Variants in RANBP17 observed in about 807,000 individuals in gnomAD.
RANBP17 encodes RAN binding protein 17.
Under a neutral mutation model 141.2 loss-of-function variants are expected in RANBP17, and 158 were observed. The ratio of observed to expected loss-of-function variants is 1.12; its 90% CI spans 0.98 to 1.28. RANBP17 has a LOEUF of 1.28. RANBP17 is among the 50% of genes most tolerant of loss of function. The pLI is 0.00. For synonymous variants in RANBP17, 430 were observed against 450.0 expected, an observed-to-expected ratio of 0.96 and a Z score of 0.56; for missense variants, 1,438 against 1,290.7, an observed-to-expected ratio of 1.11 and a Z score of -1.75.
chr5:171,188,314 G>A lies in RANBP17; in HGVS notation c.2038+4884G>A, dbSNP rs141111478. 7.9e-3 allele frequency among the ~76,000 whole-genome samples: 1,201 copies of A among 152,300 alleles called. 15 individuals carry two copies. Among genetic ancestry groups the A allele is most frequent in the African/African-American group, 0.027 (1,135 of 41,568 alleles). ...AGATGTAACTGAGTGACAGCTTTTC[G>A]TACTGCATCCTGGCCTATTTTACCT... is the stretch of plus-strand genomic sequence containing the variant. On this transcript the variant is annotated intron_variant, in intron 18 of 27. Transcript: ENST00000523189.
intron 12 of RANBP17, among the ~76,000 whole-genome samples, chr5:170,925,694 T>G (rs1355980967): frequency 1.3e-5 from 2 of 152,186 alleles, no homozygotes; most frequent in Non-Finnish European, 2.9e-5. Flanking sequence ...ATTTTGTGTT[T>G]ATCAATTCAT....
intron 14 of RANBP17, among the ~76,000 whole-genome samples, chr5:171,079,677 G>A (rs1419561003): frequency 1.3e-5 from 2 of 152,184 alleles, no homozygotes; most frequent in African/African-American, 4.8e-5. Flanking sequence ...TCAGGTGATT[G>A]TTAGCATTTT....
intron 18 of RANBP17, among the ~76,000 whole-genome samples, chr5:171,186,511 C>T (rs925216360): frequency 8.4e-5 from 11 of 130,874 alleles, no homozygotes; most frequent in Non-Finnish European, 1.5e-4. Context: ...GAAATGTTAT[C>T]ACTGGTATGA....
chr5:171,267,490 G>C (rs993714428), intron 25 of RANBP17, among the ~76,000 whole-genome samples: 12 of 152,016 alleles, frequency 7.9e-5, no homozygotes, highest in African/African-American at 2.9e-4. Context: ...GACCGTTAGG[G>C]AGCAAATAAG....
chr5:170,877,035 T>A (rs1768236904), intron 1 of RANBP17, among the ~76,000 whole-genome samples: 1 of 152,164 alleles, frequency 6.6e-6, no homozygotes, highest in Non-Finnish European at 1.5e-5. Context: ...CATTTTTTAA[T>A]TCTTTTTTTA....
intron 14 of RANBP17, among the ~76,000 whole-genome samples, chr5:171,072,024 A>C (rs1471639508): frequency 6.6e-6 from 1 of 152,018 alleles, no homozygotes; most frequent in African/African-American, 2.4e-5. Context: ...TATACAAAGG[A>C]CTCTGAAGAA....
chr5:171,221,972 A>G (rs746852020), intron 22 of RANBP17, 132 bp downstream of exon 22: 13 of 625,084 alleles, frequency 2.1e-5, no homozygotes, highest in East Asian at 8.3e-5. Context: ...TACAAGTGCA[A>G]AAAGCCAGTT....
chr5:171,232,721 G>T (rs932740601), intron 22 of RANBP17, among the ~76,000 whole-genome samples: 3 of 152,090 alleles, frequency 2.0e-5, no homozygotes, highest in African/African-American at 7.2e-5. Flanking sequence ...TCCCAAAAGT[G>T]ATATCATAAT....
intron 14 of RANBP17, among the ~76,000 whole-genome samples, chr5:171,159,047 T>A (rs1759104549): frequency 6.6e-6 from 1 of 152,240 alleles, no homozygotes; most frequent in Non-Finnish European, 1.5e-5. Context: ...CTTTGCTGAA[T>A]TATTCATTAC....
At chr5:171,073,096 T>C (rs551563982) in intron 14 of RANBP17, among the ~76,000 whole-genome samples, 101 of 152,174 alleles carry the variant, frequency 6.6e-4, no homozygotes, top group African/African-American at 2.3e-3. Flanking sequence ...GAACTGTTGT[T>C]CTGTGTGGTA....
chr5:171,170,735 AC>A (rs962468091), intron 15 of RANBP17, among the ~76,000 whole-genome samples: 8 of 152,076 alleles, frequency 5.3e-5, no homozygotes, highest in African/African-American at 1.9e-4. Context: ...TCCACCTGGC[AC>A]CCCGCTTTAT....
chr5:170,998,838 A>G (rs1405319450), intron 14 of RANBP17, among the ~76,000 whole-genome samples: 2 of 152,156 alleles, frequency 1.3e-5, no homozygotes, highest in African/African-American at 2.4e-5. Context: ...GATTTTTTCT[A>G]GTAATTTTTC....
chr5:171,012,105 C>A (rs888390411), intron 14 of RANBP17, among the ~76,000 whole-genome samples: 4 of 150,798 alleles, frequency 2.7e-5, no homozygotes, highest in East Asian at 2.0e-4. Flanking sequence ...ACAAATAATA[C>A]ATTTGTTTAA....
chr5:170,862,131 G>C lies in RANBP17; in HGVS notation c.18+80G>C, dbSNP rs919595410. On this transcript the variant is annotated intron_variant, in intron 1 of 27. Coordinates refer to ENST00000523189, the MANE Select transcript of RANBP17 (RefSeq NM_022897.5). ...GACGCGTCTGGAGACCGAGGGCCGA[G>C]GACAGCGGCGGAGGCCGCAGGGCCG... The C allele has an allele frequency of 5.2e-6, 7 of 1,343,332 alleles. No homozygotes were observed. The African/African-American group carries it at 9.2e-5, about 18-fold the overall frequency. The allele number at this position is 1,343,332 out of a possible 1,614,324, so 83.2% of individuals were successfully genotyped here.
chr5:171,148,971 TC>T (rs1213722976), intron 14 of RANBP17, among the ~76,000 whole-genome samples: 2 of 152,200 alleles, frequency 1.3e-5, no homozygotes. Context: ...ATCGTCATCA[TC>T]CCTGTCCCTG....
intron 3 of RANBP17, among the ~76,000 whole-genome samples, chr5:170,887,502 A>G (rs545698060): frequency 4.5e-4 from 69 of 152,174 alleles, no homozygotes; most frequent in Non-Finnish European, 8.2e-4. Flanking sequence ...CCTTTTTTCC[A>G]TGTGGATGTC....
chr5:171,089,574 A>C (rs1239518161), intron 14 of RANBP17, among the ~76,000 whole-genome samples: 1 of 151,914 alleles, frequency 6.6e-6, no homozygotes, highest in African/African-American at 2.4e-5. Context: ...GCTGCCTTGC[A>C]GTTTGATCTC....
At chr5:171,124,549 G>T (rs1756286420) in intron 14 of RANBP17, among the ~76,000 whole-genome samples, 1 of 151,952 alleles carries the variant, frequency 6.6e-6, no homozygotes. Flanking sequence ...AACCCAAAAG[G>T]TCTTCTCCAG....
At chr5:171,057,662 A>AGAACAGAG (rs72457111) in intron 14 of RANBP17, among the ~76,000 whole-genome samples, 1 of 151,614 alleles carries the variant, frequency 6.6e-6, no homozygotes, top group Non-Finnish European at 1.5e-5. Context: ...TAATTTATAA[A>AGAACAGAG]GCTTCATTGA....
Sources: gnomAD v4.1 joint callset for allele counts (sites outside exome capture counted in the v4.1 genomes callset) on GRCh38, gnomAD v4.1.1 for gene constraint, MANE v1.5 for transcripts, NCBI Gene and HGNC (gene_info 2026-07-23, HGNC 2026-07-21) for gene names.